The following EXD3 variants were observed in gnomAD, a reference collection of about 807,000 sequenced individuals.
The protein encoded by EXD3 is exonuclease mut-7 homolog.
Under a neutral mutation model 98.0 loss-of-function variants are expected in EXD3, and 92 were observed. That is an observed-to-expected ratio of 0.94 (90% confidence interval 0.79 to 1.12). The LOEUF is 1.12. Among genes scored for constraint, EXD3 ranks in the 50% most tolerant of loss-of-function variants. The pLI, the probability that EXD3 is intolerant of heterozygous loss-of-function variation, is 0.00. For missense variants in EXD3, 1,222 were observed against 1,191.6 expected (o/e 1.03, Z -0.38); for synonymous variants, 569 against 526.0 (o/e 1.08, Z -1.12).
intron 1 of EXD3, among the ~76,000 whole-genome samples, chr9:137,420,407 G>C (rs897312527): frequency 6.6e-6 from 1 of 152,108 alleles, no homozygotes; most frequent in Non-Finnish European, 1.5e-5. Flanking sequence ...ATCTGGAAGC[G>C]ATTCATGAGT....
chr9:137,390,147 A>AAT (rs1836822322), intron 2 of EXD3, among the ~76,000 whole-genome samples: 1 of 141,172 alleles, frequency 7.1e-6, no homozygotes, highest in African/African-American at 2.6e-5. Flanking sequence ...AAAAAAAAAA[A>AAT]TGGCCGGGCG....
chr9:137,331,923 A>T (rs1833082831), intron 17 of EXD3, among the ~76,000 whole-genome samples: 1 of 152,134 alleles, frequency 6.6e-6, no homozygotes, highest in South Asian at 2.1e-4. Flanking sequence ...CTCAAAAAAT[A>T]AAAATAAATA....
intron 1 of EXD3, among the ~76,000 whole-genome samples, chr9:137,396,160 G>A (rs1263750998): frequency 1.3e-5 from 2 of 151,892 alleles, no homozygotes; most frequent in East Asian, 1.9e-4. Flanking sequence ...TGGAGATGGG[G>A]TTTCCCCATG....
intron 10 of EXD3, chr9:137,354,004 T>A: frequency 8.8e-7 from 1 of 1,136,186 alleles, no homozygotes. Flanking sequence ...CCTTCCGGCC[T>A]CGCCCAGGCG....
chr9:137,350,944 GC>G, intron 14 of EXD3, 93 bp downstream of exon 14: 1 of 1,000,548 alleles, frequency 1.0e-6, no homozygotes, highest in Non-Finnish European at 1.5e-6. Flanking sequence ...GGCGGGAGAA[GC>G]CCAGGGCCGC....
At chr9:137,309,990 G>C (rs573259257) in intron 19 of EXD3, among the ~76,000 whole-genome samples, 8 of 152,212 alleles carry the variant, frequency 5.3e-5, no homozygotes, top group Non-Finnish European at 7.3e-5. Flanking sequence ...CAGAGCCCTC[G>C]AGGGCAGAAC....
intron 8 of EXD3, among the ~76,000 whole-genome samples, chr9:137,355,535 GGAGGAA>G (rs1204578928): frequency 3.5e-5 from 4 of 114,702 alleles, no homozygotes; most frequent in African/African-American, 1.1e-4. Flanking sequence ...GATGGAGGAA[GGAGGAA>G]GGAGGAAGGA....
Position 137,324,275 on chromosome 9 carries a change from C to T in EXD3, c.1999-132G>A. On this transcript the variant is annotated intron_variant, in intron 17 of 21. Coordinates refer to ENST00000340951, the MANE Select transcript of EXD3 (RefSeq NM_017820.5). This position sits in a 1 kb window ranked among gnomAD's most constrained non-coding sequence, Gnocchi z 4.1. Reference sequence around the variant, plus strand: ...GGCCCCTTTTGTCCTCCAGGGTGGCCTCTGCCTGGGGTCTTGGGTGGTGAG... The same window carrying T: ...GGCCCCTTTTGTCCTCCAGGGTGGCTTCTGCCTGGGGTCTTGGGTGGTGAG... The T allele has an allele frequency of 2.7e-6, 2 of 739,430 alleles. No individual in the cohort carries two copies. The highest frequency in any genetic ancestry group is 4.5e-6 in the Non-Finnish European group (2 of 442,730). The allele number at this position is 739,430 out of a possible 1,614,324, so 45.8% of individuals were successfully genotyped here. A position where few individuals can be genotyped will look rare whatever the true frequency, so the allele number is the denominator to read the frequency against.
Position 137,323,856 on chromosome 9 carries a change from G to C in EXD3, c.2053C>G (p.Leu685Val). The C allele has an allele frequency of 6.2e-7, 1 of 1,610,130 alleles. No homozygotes were observed. The highest frequency in any genetic ancestry group is 8.5e-7 in the Non-Finnish European group (1 of 1,179,172). The part of the protein sequence containing the change: ...ILTSGQPFHK[L>V]RAQVGAGRCL... Reference sequence around the variant, plus strand: ...CGCCCAGCCCCGACCTGGGCCCGGAGCTGCAAAGACACGGCTCGGCTACTG... The same window carrying C: ...CGCCCAGCCCCGACCTGGGCCCGGACCTGCAAAGACACGGCTCGGCTACTG... Residue 685 changes from leucine (L) to valine (V), a missense_variant and splice_region_variant, in exon 19 of 22, where the codon CTC (leucine) becomes GTC (valine). By Grantham distance (32) the Leu-to-Val change is conservative. Transcript: ENST00000340951.
chr9:137,342,250 C>A (rs753331800), intron 17 of EXD3, among the ~76,000 whole-genome samples: 691 of 68,098 alleles, frequency 0.01, no homozygotes, highest in Middle Eastern at 0.037. Context: ...GAGCCGTCTC[C>A]CAGGAGTCAG....
At position 137,345,549 on chromosome 9, in the gene EXD3, G is replaced by C. The variant is rs975777990; in HGVS notation, c.1998+2522C>G. 2.6e-5 allele frequency among the ~76,000 whole-genome samples: 4 copies of C among 151,606 alleles called. No homozygotes were observed. In the South Asian group the frequency reaches 6.3e-4, roughly 24 times the overall value. On this transcript the variant is annotated intron_variant, in intron 17 of 21. Transcript: ENST00000340951. ...TAGTGGCGAGCACCTGTGATCCCAG[G>C]TACTCAGGAGGCTTAGACAGGAGAA...
chr9:137,400,526 G>A (rs887436788), intron 1 of EXD3, among the ~76,000 whole-genome samples: 4 of 152,174 alleles, frequency 2.6e-5, no homozygotes, highest in African/African-American at 9.7e-5. Context: ...AGCACTTTGG[G>A]AGGCCGAGGA....
At chr9:137,367,607 G>A (rs1295538735) in intron 6 of EXD3, 1 of 299,376 alleles carries the variant, frequency 3.3e-6, no homozygotes, top group Non-Finnish European at 6.3e-6. Context: ...GCAGAGGAGG[G>A]TCCCAGAAGC....
chr9:137,413,274 C>T (rs1425648190), intron 1 of EXD3, among the ~76,000 whole-genome samples: 1 of 152,016 alleles, frequency 6.6e-6, no homozygotes, highest in Non-Finnish European at 1.5e-5. Context: ...GATCTTGGCT[C>T]ACTGCAAGCT....
At position 137,352,173 on chromosome 9, in the gene EXD3, C is replaced by A; in HGVS notation, c.1066G>T (p.Val356Leu). The change falls in exon 12 of 22, where the codon GTG becomes TTG. Residue 356 changes from valine to leucine, a missense_variant. Transcript: ENST00000340951. ...TAGTAACGGTCCTTCATGTCCTTCA[C>A]CTCCAGCCTCGAGTCAGCCTCAGTC... ...RATEADSRLE[V>L]KDMKDRYYQL... is the part of the protein sequence containing the mutation. 1 of 1,612,802 alleles carries A rather than the reference C, an allele frequency of 6.2e-7. No homozygotes were observed. The highest frequency in any genetic ancestry group is 8.5e-7 in the Non-Finnish European group (1 of 1,179,756).
chr9:137,357,532 C>T (rs1834852971), intron 7 of EXD3, among the ~76,000 whole-genome samples: 1 of 152,024 alleles, frequency 6.6e-6, no homozygotes, highest in African/African-American at 2.4e-5. Context: ...CCTTCATCCA[C>T]CAAGTTCTGT....
At position 137,393,023 on chromosome 9, in the gene EXD3, G is replaced by C; in HGVS notation, c.55+2280C>G. On this transcript the variant is annotated intron_variant, in intron 2 of 21. Transcript: ENST00000340951. This position sits in a 1 kb window ranked among gnomAD's most constrained non-coding sequence, Gnocchi z 4.6. ...CGGTGGGGGTGCCGTGTCTGTTCCAGGGAGGGCCATTAGTGTTCCAGGGGG... is the reference window on the plus strand; with the variant it reads ...CGGTGGGGGTGCCGTGTCTGTTCCACGGAGGGCCATTAGTGTTCCAGGGGG... 1.6e-6 allele frequency: 1 copy of C among 640,442 alleles called. No homozygotes were observed. The highest frequency in any genetic ancestry group is 2.4e-5 in the Admixed American group (1 of 42,056). 39.7% of individuals were successfully genotyped at this position (640,442 alleles called of 1,614,324 possible).
At chr9:137,394,213 CCCCGGCCT>C (rs1837092642) in intron 2 of EXD3, among the ~76,000 whole-genome samples, 1 of 73,844 alleles carries the variant, frequency 1.4e-5, no homozygotes, top group Admixed American at 1.1e-4. Flanking sequence ...GCTTCCCTAA[CCCCGGCCT>C]CCCAGCCTCC....
chr9:137,354,270 C>G, intron 10 of EXD3, 69 bp downstream of exon 10: 1 of 1,585,498 alleles, frequency 6.3e-7, no homozygotes, highest in Non-Finnish European at 8.6e-7. Flanking sequence ...CCAGGAGGCT[C>G]CGGGCCTGTG....
Sources: allele counts gnomAD v4.1 joint callset (sites outside exome capture counted in the v4.1 genomes callset), GRCh38; gene constraint gnomAD v4.1.1; non-coding constraint Gnocchi (gnomAD v3.1); transcripts MANE v1.5; gene names NCBI Gene and HGNC (gene_info 2026-07-23, HGNC 2026-07-21).